Variants in PITPNC1 observed in about 807,000 individuals in gnomAD.
The protein encoded by PITPNC1 is phosphatidylinositol transfer protein cytoplasmic 1, also known as cytoplasmic phosphatidylinositol transfer protein 1.
A neutral mutation model predicts 44.7 loss-of-function variants in PITPNC1; 18 were observed. The observed-to-expected ratio is 0.40, with a 90% CI of 0.28 to 0.60. PITPNC1 has a LOEUF of 0.60. Among genes scored for constraint, PITPNC1 ranks in the 20% least tolerant of loss-of-function variants. The pLI, the probability that PITPNC1 is intolerant of heterozygous loss-of-function variation, is 0.39. For missense variants in PITPNC1, 290 were observed against 418.4 expected (o/e 0.69, Z 2.68); for synonymous variants, 141 against 149.6 (o/e 0.94, Z 0.42).
At chr17:67,414,779 C>G (rs61235919) in intron 1 of PITPNC1, among the ~76,000 whole-genome samples, 3,413 of 152,224 alleles carry the variant, frequency 0.022, 137 homozygotes, top group African/African-American at 0.078. Flanking sequence ...TAGAGAATAT[C>G]TGGGGCAAAG....
At chr17:67,538,304 CAAATA>C (rs2040557432) in intron 2 of PITPNC1, among the ~76,000 whole-genome samples, 1 of 152,086 alleles carries the variant, frequency 6.6e-6, no homozygotes, top group African/African-American at 2.4e-5. Context: ...ACTACACACA[CAAATA>C]AACTCCATGG....
chr17:67,668,645 C>T (rs987339474), intron 6 of PITPNC1, among the ~76,000 whole-genome samples: 4 of 152,060 alleles, frequency 2.6e-5, no homozygotes, highest in Non-Finnish European at 4.4e-5. Context: ...GGGCAGATCA[C>T]GAGGTCAGGA....
chr17:67,526,710 G>A (rs1182432526), intron 1 of PITPNC1, among the ~76,000 whole-genome samples: 4 of 150,902 alleles, frequency 2.7e-5, no homozygotes, highest in Non-Finnish European at 5.9e-5. Flanking sequence ...CCACCTGGGC[G>A]ACAGAGAGCG....
At chr17:67,554,830 TC>T (rs2040814422) in intron 4 of PITPNC1, among the ~76,000 whole-genome samples, 1 of 152,230 alleles carries the variant, frequency 6.6e-6, no homozygotes, top group South Asian at 2.1e-4. Flanking sequence ...CTGCCAGAAT[TC>T]CTAAGCGACT....
In PITPNC1 at chr17:67,692,794, A is replaced by G. The variant is rs757882833; in HGVS notation, c.905A>G (p.Glu302Gly). The G allele has an allele frequency of 6.2e-7, 1 of 1,613,784 alleles. No individual in the cohort carries two copies. Among genetic ancestry groups the G allele is most frequent in the Non-Finnish European group, 8.5e-7 (1 of 1,179,746 alleles). The part of the protein sequence containing the change: ...KDRPRKKSAP[E>G]TLTLPDPEKK... ...CGGCCCCGGAAAAAGTCTGCCCCAG[A>G]AACTCTCACACTTCCAGACCCTGAG... Residue 302 changes from glutamate to glycine, a missense_variant, in exon 9 of 9, where the codon GAA (glutamate) becomes GGA (glycine). Physicochemically the swap from Glu to Gly is moderately conservative, Grantham distance 98. Coordinates refer to ENST00000581322, the MANE Select transcript of PITPNC1 (RefSeq NM_012417.4).
chr17:67,632,821 GC>G (rs1332406856), intron 6 of PITPNC1, among the ~76,000 whole-genome samples: 1 of 151,998 alleles, frequency 6.6e-6, no homozygotes, highest in East Asian at 1.9e-4. Flanking sequence ...GCCCACCTTG[GC>G]CTCCCAAAGC....
At chr17:67,680,073 AG>A (rs1337412136) in intron 8 of PITPNC1, among the ~76,000 whole-genome samples, 1 of 152,290 alleles carries the variant, frequency 6.6e-6, no homozygotes, top group African/African-American at 2.4e-5. Flanking sequence ...GAGTCCCTAG[AG>A]CAGGTCTAAC....
intron 2 of PITPNC1, among the ~76,000 whole-genome samples, chr17:67,537,366 T>C (rs1421427066): frequency 6.6e-6 from 1 of 152,190 alleles, no homozygotes; most frequent in Admixed American, 6.5e-5. Context: ...GATTGTTGGG[T>C]ACAATCCATA....
At chr17:67,651,785 T>C (rs1337346993) in intron 6 of PITPNC1, among the ~76,000 whole-genome samples, 1 of 152,218 alleles carries the variant, frequency 6.6e-6, no homozygotes, top group Non-Finnish European at 1.5e-5. Context: ...GCATTTCATA[T>C]GAATAGGGTC....
intron 4 of PITPNC1, among the ~76,000 whole-genome samples, chr17:67,575,310 T>C (rs980030907): frequency 1.3e-5 from 2 of 152,164 alleles, no homozygotes; most frequent in African/African-American, 4.8e-5. Context: ...AGCTGCTCCT[T>C]GGTGCTACCT....
intron 1 of PITPNC1, chr17:67,379,277 G>C: frequency 1.0e-6 from 1 of 985,470 alleles, no homozygotes; most frequent in Non-Finnish European, 1.2e-6. Flanking sequence ...ATATGTTTTT[G>C]AGCCACTACT....
intron 1 of PITPNC1, among the ~76,000 whole-genome samples, chr17:67,469,332 C>T (rs1469731): frequency 0.048 from 7,300 of 152,216 alleles, 250 homozygotes; most frequent in East Asian, 0.17. Context: ...ATTGCATATC[C>T]CTGTGGTCTC....
intron 1 of PITPNC1, among the ~76,000 whole-genome samples, chr17:67,485,118 G>A (rs1420383561): frequency 6.6e-6 from 1 of 152,028 alleles, no homozygotes; most frequent in African/African-American, 2.4e-5. Flanking sequence ...TTTGAACCTG[G>A]GCAGTGTAGC....
At chr17:67,531,021 T>C (rs1261233675) in intron 1 of PITPNC1, among the ~76,000 whole-genome samples, 1 of 152,122 alleles carries the variant, frequency 6.6e-6, no homozygotes, top group Non-Finnish European at 1.5e-5. Flanking sequence ...AATGGGCAAA[T>C]TGCTTGAGCC....
intron 1 of PITPNC1, among the ~76,000 whole-genome samples, chr17:67,398,270 TAA>T (rs1310346228): frequency 1.3e-5 from 2 of 152,094 alleles, no homozygotes; most frequent in African/African-American, 2.4e-5. Context: ...CAATGAGAAA[TAA>T]GTTTGTTTTT....
At chr17:67,620,223 T>C (rs1296232548) in intron 5 of PITPNC1, among the ~76,000 whole-genome samples, 1 of 151,988 alleles carries the variant, frequency 6.6e-6, no homozygotes, top group Non-Finnish European at 1.5e-5. Context: ...CTGACGAATT[T>C]TTAAAATTTT....
At chr17:67,387,590 C>T (rs1032382165) in intron 1 of PITPNC1, among the ~76,000 whole-genome samples, 3 of 152,150 alleles carry the variant, frequency 2.0e-5, no homozygotes, top group African/African-American at 4.8e-5. Context: ...TGCTTGAACC[C>T]GGGAGGTGGA....
At chr17:67,443,265 G>A (rs755036281) in intron 1 of PITPNC1, among the ~76,000 whole-genome samples, 1 of 151,950 alleles carries the variant, frequency 6.6e-6, no homozygotes, top group Non-Finnish European at 1.5e-5. Context: ...CTCCTGAATT[G>A]TGTCTCCAAG....
At chr17:67,468,658 C>A (rs1050807730) in intron 1 of PITPNC1, among the ~76,000 whole-genome samples, 1 of 151,202 alleles carries the variant, frequency 6.6e-6, no homozygotes, top group African/African-American at 2.4e-5. Context: ...CCACCTCAGC[C>A]TCCCAAAGTG....
Sources: gnomAD v4.1 joint callset for allele counts (sites outside exome capture counted in the v4.1 genomes callset) on GRCh38, gnomAD v4.1.1 for gene constraint, MANE v1.5 for transcripts, NCBI Gene and HGNC (gene_info 2026-07-23, HGNC 2026-07-21) for gene names.